CTNNA3: variants seen among roughly 807,000 people sequenced by gnomAD.
The protein encoded by CTNNA3 is catenin alpha 3.
CTNNA3 carries 76 observed loss-of-function variants against 95.7 expected under a neutral mutation model. The observed-to-expected ratio is 0.79, with a 90% CI of 0.66 to 0.96. CTNNA3 has a LOEUF of 0.96. CTNNA3 is among the 40% of genes least tolerant of loss of function. The pLI is 0.00. For missense variants in CTNNA3, 1,191 were observed against 1,089.8 expected (o/e 1.09, Z -1.31); for synonymous variants, 431 against 374.4 (o/e 1.15, Z -1.74).
intron 5 of CTNNA3, among the ~76,000 whole-genome samples, chr10:67,253,177 A>G (rs1246431893): frequency 6.6e-6 from 1 of 152,222 alleles, no homozygotes; most frequent in Non-Finnish European, 1.5e-5. Context: ...ATACTGTGAT[A>G]GTCAACCTGA....
At chr10:66,315,512 G>A (rs2092088880) in intron 12 of CTNNA3, among the ~76,000 whole-genome samples, 1 of 148,966 alleles carries the variant, frequency 6.7e-6, no homozygotes, top group Non-Finnish European at 1.5e-5. Flanking sequence ...TCTCTTGTGT[G>A]TGTGTGTGTG....
At chr10:66,489,180 G>A (rs1166929462) in intron 11 of CTNNA3, among the ~76,000 whole-genome samples, 1 of 152,112 alleles carries the variant, frequency 6.6e-6, no homozygotes, top group Non-Finnish European at 1.5e-5. Context: ...AAAAAATCCA[G>A]AGGTCAGATT....
chr10:67,311,560 G>C (rs954781082), intron 5 of CTNNA3, among the ~76,000 whole-genome samples: 1 of 152,152 alleles, frequency 6.6e-6, no homozygotes, highest in Non-Finnish European at 1.5e-5. Flanking sequence ...GTGGTTACCT[G>C]AATGGCTACA....
At chr10:67,604,829 CAGTT>C (rs1201222738) in intron 3 of CTNNA3, among the ~76,000 whole-genome samples, 2 of 152,174 alleles carry the variant, frequency 1.3e-5, no homozygotes, top group South Asian at 2.1e-4. Flanking sequence ...GAGAGGGTCT[CAGTT>C]GGTAGGGAGC....
intron 2 of CTNNA3, among the ~76,000 whole-genome samples, chr10:67,640,675 G>C (rs1020848232): frequency 4.6e-5 from 7 of 152,108 alleles, no homozygotes; most frequent in Non-Finnish European, 2.9e-5. Flanking sequence ...CAATGGAACA[G>C]AACAGAGCCC....
intron 10 of CTNNA3, among the ~76,000 whole-genome samples, chr10:66,547,649 T>TC (rs1386891087): frequency 6.6e-6 from 1 of 151,840 alleles, no homozygotes; most frequent in Non-Finnish European, 1.5e-5. Context: ...GCCTGATTTT[T>TC]CTATATGAAA....
At chr10:66,454,603 C>A (rs2093483843) in intron 11 of CTNNA3, among the ~76,000 whole-genome samples, 1 of 148,292 alleles carries the variant, frequency 6.7e-6, no homozygotes, top group African/African-American at 2.5e-5. Flanking sequence ...TAAATCTTCT[C>A]AAAAATGTCA....
intron 7 of CTNNA3, among the ~76,000 whole-genome samples, chr10:66,855,887 T>C (rs1434402796): frequency 6.6e-6 from 1 of 152,024 alleles, no homozygotes; most frequent in African/African-American, 2.4e-5. Context: ...TTATCAATAA[T>C]ATTATCAATA....
intron 17 of CTNNA3, among the ~76,000 whole-genome samples, chr10:65,960,985 C>A (rs1308872496): frequency 6.6e-6 from 1 of 152,040 alleles, no homozygotes; most frequent in Non-Finnish European, 1.5e-5. Context: ...TTTTTCCAAA[C>A]CTAATCTTTC....
At chr10:67,293,861 G>A (rs996306457) in intron 5 of CTNNA3, among the ~76,000 whole-genome samples, 1 of 151,908 alleles carries the variant, frequency 6.6e-6, no homozygotes, top group African/African-American at 2.4e-5. Flanking sequence ...ATTTTTTATG[G>A]CTTTATAGTA....
At chr10:66,792,622 A>G (rs1474295350) in intron 7 of CTNNA3, among the ~76,000 whole-genome samples, 8 of 152,180 alleles carry the variant, frequency 5.3e-5, no homozygotes, top group African/African-American at 1.9e-4. Context: ...GTTCTGGCAC[A>G]CAACTCTATA....
intron 12 of CTNNA3, among the ~76,000 whole-genome samples, chr10:66,310,141 A>C (rs778423170): frequency 1.3e-5 from 2 of 151,600 alleles, no homozygotes; most frequent in Non-Finnish European, 2.9e-5. Flanking sequence ...AAAAAAGGCA[A>C]AAAATAATAT....
At chr10:66,022,634 TAC>T (rs2079244679) in intron 15 of CTNNA3, among the ~76,000 whole-genome samples, 1 of 93,084 alleles carries the variant, frequency 1.1e-5, no homozygotes, top group Admixed American at 1.1e-4. Flanking sequence ...CACACACACA[TAC>T]ACACACACAC....
At chr10:66,401,518 A>AAC (rs140986771) in intron 11 of CTNNA3, among the ~76,000 whole-genome samples, 4,499 of 143,926 alleles carry the variant, frequency 0.031, 91 homozygotes, top group African/African-American at 0.055. Context: ...TGTGTCTCAA[A>AAC]ACACACACAC....
Position 67,683,647 on chromosome 10 carries a change from AG to A in CTNNA3, c.-6+12352del, listed in dbSNP as rs1323579974. Among the ~76,000 whole-genome samples, 9 of 152,322 alleles carry A rather than the reference AG, an allele frequency of 5.9e-5. No homozygotes were observed. In the South Asian group the frequency reaches 1.9e-3, roughly 32 times the overall value. On this transcript the variant is annotated intron_variant, in intron 1 of 17. Coordinates refer to ENST00000433211, the MANE Select transcript of CTNNA3 (RefSeq NM_013266.4). ...CATGCATATAGGTAAGAGTGTGTCC[AG>A]AATTGGTTCCTTCTGGTGGGTTCTT...
At chr10:67,086,461 C>T (rs1260857559) in intron 7 of CTNNA3, among the ~76,000 whole-genome samples, 2 of 151,938 alleles carry the variant, frequency 1.3e-5, no homozygotes, top group Admixed American at 6.6e-5. Flanking sequence ...CATTTGAAAG[C>T]CTGTTTGGAT....
At chr10:67,530,903 G>A (rs1840303989) in intron 4 of CTNNA3, among the ~76,000 whole-genome samples, 1 of 152,226 alleles carries the variant, frequency 6.6e-6, no homozygotes, top group South Asian at 2.1e-4. Context: ...AGCTGCTCCA[G>A]CCGTGGCTGA....
At chr10:66,074,678 TCTTCCCC>T (rs751316794) in intron 14 of CTNNA3, among the ~76,000 whole-genome samples, 4 of 151,922 alleles carry the variant, frequency 2.6e-5, no homozygotes, top group Non-Finnish European at 5.9e-5. Flanking sequence ...TGTTGTCAGT[TCTTCCCC>T]CTAGATGTTC....
At chr10:67,167,747 C>T (rs1861839310) in intron 7 of CTNNA3, among the ~76,000 whole-genome samples, 1 of 152,132 alleles carries the variant, frequency 6.6e-6, no homozygotes, top group Non-Finnish European at 1.5e-5. Context: ...GGAATGACAG[C>T]ATGGTGAGGT....
Sources: gnomAD v4.1 joint callset for allele counts (sites outside exome capture counted in the v4.1 genomes callset) on GRCh38, gnomAD v4.1.1 for gene constraint, MANE v1.5 for transcripts, NCBI Gene and HGNC (gene_info 2026-07-23, HGNC 2026-07-21) for gene names.